The following PDS5B variants were observed in gnomAD, a reference collection of about 807,000 sequenced individuals.
PDS5B encodes PDS5 cohesin associated factor B, also known as sister chromatid cohesion protein PDS5 homolog B.
In PDS5B, 51 loss-of-function variants were observed where a neutral mutation model predicts 184.1. The observed-to-expected ratio is 0.28, with a 90% CI of 0.22 to 0.35. The LOEUF is 0.35. PDS5B is among the 10% of genes least tolerant of loss of function. PDS5B has a pLI of 1.00. For synonymous variants in PDS5B, 566 were observed against 569.2 expected, an observed-to-expected ratio of 0.99 and a Z score of 0.08; for missense variants, 1,180 against 1,723.3, an observed-to-expected ratio of 0.68 and a Z score of 5.58.
At chr13:32,774,500 A>T (rs1240213225) in intron 34 of PDS5B, among the ~76,000 whole-genome samples, 8 of 152,204 alleles carry the variant, frequency 5.3e-5, no homozygotes, top group Non-Finnish European at 1.2e-4. Flanking sequence ...TCCTATTGTT[A>T]ATATTGACAT....
intron 17 of PDS5B, among the ~76,000 whole-genome samples, chr13:32,706,279 AAAATAAAT>A (rs60222106): frequency 0.049 from 7,161 of 144,938 alleles, 408 homozygotes; most frequent in African/African-American, 0.14. Context: ...CTTCGTCTCA[AAAATAAAT>A]AAATAAATAA....
At chr13:32,711,004 T>C (rs558861285) in intron 19 of PDS5B, among the ~76,000 whole-genome samples, 2 of 152,228 alleles carry the variant, frequency 1.3e-5, no homozygotes, top group East Asian at 3.9e-4. Context: ...TTTCTTTTTT[T>C]TTTTGAGATG....
chr13:32,695,302 A>T lies in PDS5B; in HGVS notation c.1551+998A>T, dbSNP rs554256288. Among the ~76,000 whole-genome samples, 357 of 151,934 alleles carry T rather than the reference A, an allele frequency of 2.3e-3. 2 individuals carry two copies. The highest frequency in any genetic ancestry group is 8.3e-3 in the African/African-American group (346 of 41,496). On this transcript the variant is annotated intron_variant, in intron 14 of 34. Transcript: ENST00000315596. ...TATTGAACATAACCTTTTTTCTGTGATTATTGAGTTTATCGAACCTGTTAA... is the reference window on the plus strand; with the variant it reads ...TATTGAACATAACCTTTTTTCTGTGTTTATTGAGTTTATCGAACCTGTTAA...
chr13:32,592,125 C>T (rs924391031), intron 1 of PDS5B, among the ~76,000 whole-genome samples: 1 of 152,312 alleles, frequency 6.6e-6, no homozygotes, highest in African/African-American at 2.4e-5. Flanking sequence ...CATCACTTCT[C>T]CCTCCCACCT....
intron 1 of PDS5B, among the ~76,000 whole-genome samples, chr13:32,644,812 T>G (rs559949244): frequency 6.6e-6 from 1 of 152,324 alleles, no homozygotes; most frequent in East Asian, 1.9e-4. Context: ...TTTATTGAGA[T>G]TTGAAAAAAT....
At position 32,706,858 on chromosome 13, in the gene PDS5B, A is replaced by G. The variant is rs1171218988; in HGVS notation, c.1857-76A>G. On this transcript the variant is annotated intron_variant, in intron 17 of 34. Transcript: ENST00000315596. ...GATATGTATATATGTATGTGCACAT[A>G]TATGTAACACAGGATTATTTTTCTT... 2.3e-5 allele frequency: 19 copies of G among 839,780 alleles called. No individual in the cohort carries two copies. In the East Asian group the frequency reaches 4.6e-4, roughly 20 times the overall value. The allele number at this position is 839,780 out of a possible 1,614,324, so 52.0% of individuals were successfully genotyped here. A position where few individuals can be genotyped will look rare whatever the true frequency, so the allele number is the denominator to read the frequency against.
At chr13:32,592,626 C>T (rs1439314289) in intron 1 of PDS5B, among the ~76,000 whole-genome samples, 2 of 152,170 alleles carry the variant, frequency 1.3e-5, no homozygotes, top group East Asian at 3.8e-4. Flanking sequence ...GCTTTCGACT[C>T]TCCTAGCCTT....
intron 1 of PDS5B, among the ~76,000 whole-genome samples, chr13:32,604,453 G>T (rs922376880): frequency 5.3e-5 from 8 of 152,228 alleles, no homozygotes; most frequent in African/African-American, 1.9e-4. Context: ...TAAGCTTTTT[G>T]ATGTGCTGCT....
At chr13:32,680,161 C>T (rs976634720) in intron 10 of PDS5B, among the ~76,000 whole-genome samples, 1 of 151,692 alleles carries the variant, frequency 6.6e-6, no homozygotes, top group Non-Finnish European at 1.5e-5. Flanking sequence ...AATCCGAGGC[C>T]GTCTGCTCAT....
At chr13:32,725,344 C>T (rs1292970763) in intron 19 of PDS5B, among the ~76,000 whole-genome samples, 1 of 152,030 alleles carries the variant, frequency 6.6e-6, no homozygotes, top group Non-Finnish European at 1.5e-5. Flanking sequence ...CAGATTATCC[C>T]GTGTATAATC....
At position 32,732,025 on chromosome 13, in the gene PDS5B, A is replaced by G; in HGVS notation, c.2124-76A>G. ...ACCTTGTAAATCATTACTTAAAAAT[A>G]CAAATATTAAAGTATCTAGCAGAAG... On this transcript the variant is annotated intron_variant, in intron 19 of 34. Coordinates refer to ENST00000315596, the MANE Select transcript of PDS5B (RefSeq NM_015032.4). 7 of 1,226,336 alleles carry G rather than the reference A, an allele frequency of 5.7e-6. No individual in the cohort carries two copies. The South Asian group carries it at 9.0e-5, about 16-fold the overall frequency. 76.0% of individuals were successfully genotyped at this position (1,226,336 alleles called of 1,614,324 possible).
chr13:32,643,404 A>G (rs1424380259), intron 1 of PDS5B, among the ~76,000 whole-genome samples: 1 of 152,124 alleles, frequency 6.6e-6, no homozygotes, highest in Non-Finnish European at 1.5e-5. Flanking sequence ...TTCATTTTGT[A>G]TATGGTGTGA....
At chr13:32,748,633 T>G (rs1953850064) in intron 24 of PDS5B, among the ~76,000 whole-genome samples, 1 of 152,102 alleles carries the variant, frequency 6.6e-6, no homozygotes, top group African/African-American at 2.4e-5. Flanking sequence ...AAACAGAAAT[T>G]TTATACTTTT....
intron 19 of PDS5B, 50 bp downstream of exon 19, chr13:32,710,156 A>G (rs1256540317): frequency 8.1e-7 from 1 of 1,230,024 alleles, no homozygotes; most frequent in African/African-American, 1.5e-5. Context: ...AAACATAATT[A>G]TTTCTTGATT....
chr13:32,586,773 G>A (rs1247861325), intron 1 of PDS5B, among the ~76,000 whole-genome samples, 180 bp downstream of exon 1: 1 of 147,828 alleles, frequency 6.8e-6, no homozygotes, highest in African/African-American at 2.4e-5. Flanking sequence ...GTGGCTGCCT[G>A]GCGGTGGCCC....
intron 31 of PDS5B, among the ~76,000 whole-genome samples, chr13:32,769,664 A>G (rs950823615): frequency 6.6e-6 from 1 of 152,174 alleles, no homozygotes; most frequent in African/African-American, 2.4e-5. Context: ...TTGTAAAATA[A>G]TAGTTCTTTT....
chr13:32,755,415 A>T (rs1954138789), intron 25 of PDS5B, among the ~76,000 whole-genome samples: 1 of 152,148 alleles, frequency 6.6e-6, no homozygotes, highest in South Asian at 2.1e-4. Flanking sequence ...ACTCTGAAAA[A>T]TACTAGATGT....
At position 32,773,173 on chromosome 13, in the gene PDS5B, A is replaced by G. The variant is rs1230880435; in HGVS notation, c.4173-16A>G. ...GATTGGAACGTTCATTGTGTTTTAC[A>G]TGTGTTTTACTCTAGCCGTGTAGGA... On this transcript the variant is annotated splice_polypyrimidine_tract_variant and intron_variant, in intron 33 of 34. Transcript: ENST00000315596. 6.3e-6 allele frequency: 10 copies of G among 1,580,800 alleles called. No individual in the cohort carries two copies. Among genetic ancestry groups the G allele is most frequent in the African/African-American group, 1.4e-5 (1 of 73,168 alleles).
At chr13:32,774,914 A>C in intron 34 of PDS5B, 103 bp from the exon 35 acceptor site, 1 of 1,143,722 alleles carries the variant, frequency 8.7e-7, no homozygotes, top group Non-Finnish European at 1.3e-6. Flanking sequence ...AAAGCAAAGA[A>C]AATCAGGAAC....
Sources: gnomAD v4.1 joint callset for allele counts (sites outside exome capture counted in the v4.1 genomes callset) on GRCh38, gnomAD v4.1.1 for gene constraint, MANE v1.5 for transcripts, NCBI Gene and HGNC (gene_info 2026-07-23, HGNC 2026-07-21) for gene names.